The following RNF150 variants were observed in gnomAD, a reference collection of about 807,000 sequenced individuals.
The protein encoded by RNF150 is ring finger protein 150.
Under a neutral mutation model 39.3 loss-of-function variants are expected in RNF150, and 24 were observed. That is an observed-to-expected ratio of 0.61 (90% CI 0.44 to 0.86). The LOEUF (loss-of-function observed/expected upper bound fraction) is 0.86. RNF150 is among the 40% of genes least tolerant of loss of function. The pLI, the probability that RNF150 is intolerant of heterozygous loss-of-function variation, is 0.00. For synonymous variants in RNF150, 255 were observed against 227.3 expected (o/e 1.12, Z -1.10); for missense variants, 502 against 587.8 (o/e 0.85, Z 1.51).
At chr4:141,188,723 C>G (rs994491360) in intron 1 of RNF150, among the ~76,000 whole-genome samples, 1 of 152,194 alleles carries the variant, frequency 6.6e-6, no homozygotes, top group Non-Finnish European at 1.5e-5. Context: ...CTTCTCTTAA[C>G]TGGTTATTCT....
chr4:140,965,612 A>G lies in RNF150; in HGVS notation c.735+2011T>C, dbSNP rs114459096. ...TATCCTGACATTTGCCACAACATAGATGGGCCTGGAGGACATCGTGTTAAG... is the reference window on the plus strand; with the variant it reads ...TATCCTGACATTTGCCACAACATAGGTGGGCCTGGAGGACATCGTGTTAAG... On this transcript the variant is annotated intron_variant, in intron 2 of 6. Transcript: ENST00000515673. Among the ~76,000 whole-genome samples the G allele has an allele frequency of 8.7e-3, 1,332 of 152,248 alleles. 24 individuals carry two copies. Among genetic ancestry groups the G allele is most frequent in the African/African-American group, 0.031 (1,270 of 41,550 alleles).
At chr4:141,086,782 A>G (rs1398683471) in intron 1 of RNF150, among the ~76,000 whole-genome samples, 1 of 151,704 alleles carries the variant, frequency 6.6e-6, no homozygotes, top group South Asian at 2.1e-4. Context: ...ATAAACTACC[A>G]TATTTATTTT....
intron 1 of RNF150, among the ~76,000 whole-genome samples, chr4:141,162,703 T>A (rs1213163591): frequency 6.6e-6 from 1 of 151,520 alleles, no homozygotes; most frequent in African/African-American, 2.4e-5. Flanking sequence ...CCACAAGGGG[T>A]CAAGGAACTC....
At position 140,992,638 on chromosome 4, in the gene RNF150, T is replaced by C. The variant is rs552403384; in HGVS notation, c.485-24765A>G. On this transcript the variant is annotated intron_variant, in intron 1 of 6. Transcript: ENST00000515673. ...TAACCCTCAGTGAAGCTTTCCTGGATATGACAAGGCTTTCTAACCCTGGCC... is the reference window on the plus strand; with the variant it reads ...TAACCCTCAGTGAAGCTTTCCTGGACATGACAAGGCTTTCTAACCCTGGCC... 2.0e-5 allele frequency among the ~76,000 whole-genome samples: 3 copies of C among 152,218 alleles called. No homozygotes were observed. In the South Asian group the frequency reaches 6.2e-4, roughly 32 times the overall value.
At chr4:141,015,502 AT>A (rs971727816) in intron 1 of RNF150, among the ~76,000 whole-genome samples, 4 of 151,928 alleles carry the variant, frequency 2.6e-5, no homozygotes, top group Admixed American at 1.3e-4. Flanking sequence ...TATGTATTTA[AT>A]TTTTTTGCTA....
upstream of RNF150, among the ~76,000 whole-genome samples, chr4:141,134,338 C>A (rs1726988795): frequency 6.6e-6 from 1 of 152,170 alleles, no homozygotes; most frequent in Admixed American, 6.5e-5. Context: ...GGTGGATATC[C>A]TTTCCCTTGG....
chr4:141,183,590 G>T (rs904938180), intron 1 of RNF150, among the ~76,000 whole-genome samples: 1 of 151,754 alleles, frequency 6.6e-6, no homozygotes, highest in African/African-American at 2.4e-5. Flanking sequence ...AGAATGTGCA[G>T]GTTTGTTATA....
At chr4:141,014,306 A>G (rs1233421073) in intron 1 of RNF150, among the ~76,000 whole-genome samples, 1 of 152,184 alleles carries the variant, frequency 6.6e-6, no homozygotes, top group Non-Finnish European at 1.5e-5. Context: ...TGAACATAGG[A>G]GTGCAGATAT....
At chr4:141,079,248 A>G (rs1396766740) in intron 1 of RNF150, among the ~76,000 whole-genome samples, 1 of 152,190 alleles carries the variant, frequency 6.6e-6, no homozygotes, top group Non-Finnish European at 1.5e-5. Context: ...CTCCAACCCC[A>G]GTTACCTGCA....
chr4:141,110,358 CA>C (rs1421295990), intron 1 of RNF150, among the ~76,000 whole-genome samples: 1 of 152,116 alleles, frequency 6.6e-6, no homozygotes, highest in Non-Finnish European at 1.5e-5. Context: ...TGTAACTACA[CA>C]GGATTCACGG....
chr4:141,032,530 AG>A (rs1180207533), intron 1 of RNF150, among the ~76,000 whole-genome samples: 2 of 152,196 alleles, frequency 1.3e-5, no homozygotes, highest in Non-Finnish European at 2.9e-5. Flanking sequence ...CATTCCACAA[AG>A]GGTATACCAA....
rs778399768 is a variant in RNF150 at position 141,132,441 on chromosome 4, T to C, written c.368A>G (p.Lys123Arg). 1 of 1,610,660 alleles carries C rather than the reference T, an allele frequency of 6.2e-7. No homozygotes were observed. Among genetic ancestry groups the C allele is most frequent in the South Asian group, 1.1e-5 (1 of 89,942 alleles). The change falls in exon 1 of 7, where the codon AAG becomes AGG. Residue 123 changes from lysine (K) to arginine (R), a missense_variant. Lys to Arg is a conservative substitution (Grantham distance 26, BLOSUM62 2). Coordinates refer to ENST00000515673, the MANE Select transcript of RNF150 (RefSeq NM_020724.2). The surrounding 1 kb of genome is among the most constrained non-coding windows in gnomAD (Gnocchi z 4.9). ...RGKNWIALIP[K>R]GNCTYRDKIR... is the part of the protein sequence containing the mutation. ...CTTATCCCTGTACGTGCAGTTGCCCTTGGGGATGAGGGCTATCCAGTTCTT... is the reference window on the plus strand; with the variant it reads ...CTTATCCCTGTACGTGCAGTTGCCCCTGGGGATGAGGGCTATCCAGTTCTT...
chr4:140,955,017 T>C (rs1256714506), intron 2 of RNF150, among the ~76,000 whole-genome samples: 2 of 152,208 alleles, frequency 1.3e-5, no homozygotes, highest in Admixed American at 6.6e-5. Context: ...TAAGTGTTCT[T>C]AAGTTCTAGG....
intron 1 of RNF150, among the ~76,000 whole-genome samples, chr4:140,997,912 T>A (rs1021143738): frequency 6.6e-6 from 1 of 152,060 alleles, no homozygotes; most frequent in Non-Finnish European, 1.5e-5. Flanking sequence ...GATAGAGGAA[T>A]GAGAGGGAGA....
intron 1 of RNF150, among the ~76,000 whole-genome samples, chr4:141,050,220 A>T (rs1736725920): frequency 6.6e-6 from 1 of 152,128 alleles, no homozygotes; most frequent in African/African-American, 2.4e-5. Flanking sequence ...TGTGTGTGAG[A>T]TTTTTATTAT....
chr4:140,918,311 A>G (rs1365711285), intron 5 of RNF150, among the ~76,000 whole-genome samples: 4 of 152,172 alleles, frequency 2.6e-5, no homozygotes, highest in Non-Finnish European at 4.4e-5. Context: ...GAATAAAGAA[A>G]AAAAGAGAGA....
At chr4:141,188,530 G>T (rs948818942) in intron 1 of RNF150, among the ~76,000 whole-genome samples, 10 of 152,142 alleles carry the variant, frequency 6.6e-5, no homozygotes, top group African/African-American at 1.9e-4. Flanking sequence ...ATATTTCTTG[G>T]AGGCTTGTTT....
At chr4:140,960,511 G>A (rs752462726) in intron 2 of RNF150, among the ~76,000 whole-genome samples, 3 of 152,160 alleles carry the variant, frequency 2.0e-5, no homozygotes, top group Non-Finnish European at 4.4e-5. Flanking sequence ...TGGTTGCATA[G>A]AGAACCAATC....
At chr4:140,923,235 A>G (rs1385500659) in intron 5 of RNF150, among the ~76,000 whole-genome samples, 1 of 152,184 alleles carries the variant, frequency 6.6e-6, no homozygotes, top group Non-Finnish European at 1.5e-5. Context: ...ACAAAGGGCT[A>G]ATATCCAGAA....
Sources: allele counts gnomAD v4.1 joint callset (sites outside exome capture counted in the v4.1 genomes callset), GRCh38; gene constraint gnomAD v4.1.1; non-coding constraint Gnocchi (gnomAD v3.1); transcripts MANE v1.5; gene names NCBI Gene and HGNC (gene_info 2026-07-23, HGNC 2026-07-21).